Variants in DNER observed in about 807,000 individuals in gnomAD.
The protein encoded by DNER is delta/notch like EGF repeat containing.
DNER carries 33 observed loss-of-function variants against 78.2 expected under a neutral mutation model. The observed-to-expected ratio is 0.42, with a 90% CI of 0.32 to 0.56. DNER has a LOEUF of 0.56. DNER is among the 20% of genes least tolerant of loss of function. The pLI is 0.11. For synonymous variants in DNER, 417 were observed against 384.8 expected (o/e 1.08, Z -0.98); for missense variants, 918 against 975.3 (o/e 0.94, Z 0.78).
In DNER at chr2:229,509,887, G is replaced by A. The variant is rs111457274; in HGVS notation, c.1147+2896C>T. On this transcript the variant is annotated intron_variant, in intron 6 of 12. Transcript: ENST00000341772. ...CAAAGAGTCACACACACAAATGTAT[G>A]CTGAAAACAGACAGTACTGTGAAGT... 7.4e-3 allele frequency among the ~76,000 whole-genome samples: 1,127 copies of A among 152,260 alleles called. 17 individuals carry two copies. The highest frequency in any genetic ancestry group is 0.025 in the African/African-American group (1,058 of 41,542).
chr2:229,549,112 C>G (rs1255850272), intron 4 of DNER, among the ~76,000 whole-genome samples: 1 of 152,046 alleles, frequency 6.6e-6, no homozygotes, highest in African/African-American at 2.4e-5. Context: ...TGTATACATA[C>G]AGTAAAAGTA....
chr2:229,433,223 C>A (rs1694052808), intron 8 of DNER, among the ~76,000 whole-genome samples: 1 of 152,188 alleles, frequency 6.6e-6, no homozygotes, highest in Non-Finnish European at 1.5e-5. Context: ...CAGGCGTGAG[C>A]CACCGTGCCC....
chr2:229,507,003 T>C (rs1695758815), intron 6 of DNER, among the ~76,000 whole-genome samples: 1 of 152,208 alleles, frequency 6.6e-6, no homozygotes, highest in Non-Finnish European at 1.5e-5. Flanking sequence ...ACCTAGGCTA[T>C]ACAGGATAGC....
chr2:229,385,101 A>G (rs1208626675), intron 11 of DNER, among the ~76,000 whole-genome samples: 3 of 98,814 alleles, frequency 3.0e-5, no homozygotes, highest in African/African-American at 1.1e-4. Context: ...GACTCCATCT[A>G]AAAAAAAAAA....
intron 10 of DNER, among the ~76,000 whole-genome samples, chr2:229,394,613 C>G (rs1207530574): frequency 2.6e-5 from 4 of 152,126 alleles, no homozygotes; most frequent in Admixed American, 1.3e-4. Context: ...TGTGTGGGTA[C>G]AGGGACACCC....
chr2:229,696,003 G>A (rs1041839686), intron 1 of DNER, among the ~76,000 whole-genome samples: 35 of 152,280 alleles, frequency 2.3e-4, no homozygotes, highest in African/African-American at 8.4e-4. Flanking sequence ...AAAACACCCA[G>A]TTTGCACTCC....
intron 6 of DNER, among the ~76,000 whole-genome samples, chr2:229,507,462 T>C (rs1324283970): frequency 6.6e-6 from 1 of 152,224 alleles, no homozygotes; most frequent in African/African-American, 2.4e-5. Context: ...AACAGTAAAA[T>C]TCTTTTTCCC....
rs1184467850 is a variant in DNER, at chr2:229,413,823, A to G, written c.1609+4285T>C. ...ATATCAATATTAAGCAGTAAAAATT[A>G]CCACTTAAAAAGTATATATATAAAG... On this transcript the variant is annotated intron_variant, in intron 9 of 12. Transcript: ENST00000341772. 3.3e-5 allele frequency among the ~76,000 whole-genome samples: 5 copies of G among 151,660 alleles called. No homozygotes were observed. The South Asian group carries it at 6.3e-4, about 19-fold the overall frequency.
intron 4 of DNER, among the ~76,000 whole-genome samples, chr2:229,570,843 C>T (rs1697206016): frequency 6.6e-6 from 1 of 151,920 alleles, no homozygotes; most frequent in Non-Finnish European, 1.5e-5. Context: ...CACAGGGATG[C>T]CTGGGAAGTT....
intron 9 of DNER, among the ~76,000 whole-genome samples, chr2:229,414,653 T>C (rs979931121): frequency 1.3e-5 from 2 of 151,884 alleles, no homozygotes; most frequent in Admixed American, 1.3e-4. Flanking sequence ...TGAAACCACT[T>C]TACTTGTTGA....
At chr2:229,400,608 C>G (rs1459055423) in intron 10 of DNER, among the ~76,000 whole-genome samples, 7 of 151,852 alleles carry the variant, frequency 4.6e-5, no homozygotes, top group Admixed American at 4.6e-4. Context: ...GTAATAGGAG[C>G]CAACTGAAAG....
chr2:229,674,157 G>T (rs1332422148), intron 1 of DNER, among the ~76,000 whole-genome samples: 2 of 152,216 alleles, frequency 1.3e-5, no homozygotes, highest in Non-Finnish European at 2.9e-5. Context: ...CAGGGTCCCT[G>T]GTTGGTTTCT....
chr2:229,362,019 T>C (rs1323730600), intron 12 of DNER, among the ~76,000 whole-genome samples: 1 of 152,130 alleles, frequency 6.6e-6, no homozygotes, highest in Non-Finnish European at 1.5e-5. Flanking sequence ...TGTCTGCTGA[T>C]GGTCCATGAG....
At chr2:229,495,198 G>A (rs985773664) in intron 6 of DNER, among the ~76,000 whole-genome samples, 1 of 152,176 alleles carries the variant, frequency 6.6e-6, no homozygotes, top group South Asian at 2.1e-4. Context: ...AATCTATTCA[G>A]CTAAATATAT....
At chr2:229,420,801 C>T (rs527305619) in intron 8 of DNER, among the ~76,000 whole-genome samples, 1 of 152,204 alleles carries the variant, frequency 6.6e-6, no homozygotes, top group Non-Finnish European at 1.5e-5. Context: ...GAAATTGGAA[C>T]CTTTGTGCAC....
chr2:229,659,299 T>C (rs1360174924), intron 1 of DNER, among the ~76,000 whole-genome samples: 2 of 152,132 alleles, frequency 1.3e-5, no homozygotes, highest in Non-Finnish European at 2.9e-5. Context: ...TACTTAACCA[T>C]AGACACATCT....
chr2:229,363,984 G>GT (rs1692278057), intron 12 of DNER, among the ~76,000 whole-genome samples: 3 of 111,528 alleles, frequency 2.7e-5, no homozygotes, highest in East Asian at 2.6e-4. Flanking sequence ...TCAATTCTCT[G>GT]CTTTTTTTTT....
intron 8 of DNER, among the ~76,000 whole-genome samples, chr2:229,438,335 G>A (rs2106358343): frequency 6.6e-6 from 1 of 152,320 alleles, no homozygotes; most frequent in East Asian, 1.9e-4. Flanking sequence ...TGAGACAGAG[G>A]AGTCTGGAAT....
intron 1 of DNER, among the ~76,000 whole-genome samples, chr2:229,640,087 C>T (rs1173858662): frequency 6.6e-6 from 1 of 152,238 alleles, no homozygotes; most frequent in East Asian, 1.9e-4. Flanking sequence ...TACAGGAGTA[C>T]TTGTCCTTGC....
Sources: allele counts gnomAD v4.1 joint callset (sites outside exome capture counted in the v4.1 genomes callset), GRCh38; gene constraint gnomAD v4.1.1; transcripts MANE v1.5; gene names NCBI Gene and HGNC (gene_info 2026-07-23, HGNC 2026-07-21).